The following GNG7 variants were observed in gnomAD, a reference collection of about 807,000 sequenced individuals.
GNG7 encodes the protein guanine nucleotide-binding protein G(I)/G(S)/G(O) subunit gamma-7.
A neutral mutation model predicts 4.0 loss-of-function variants in GNG7; 1 was observed. The observed-to-expected ratio is 0.25, with a 90% CI of 0.09 to 1.18. GNG7 has a LOEUF of 1.18. Among genes scored for constraint, GNG7 ranks in the 50% most tolerant of loss-of-function variants. GNG7 has a pLI of 0.50. For synonymous variants in GNG7, 34 were observed against 36.9 expected (o/e 0.92, Z 0.29); for missense variants, 86 against 91.9 (o/e 0.94, Z 0.26).
At chr19:2,681,971 G>A (rs566202253) in intron 1 of GNG7, among the ~76,000 whole-genome samples, 18 of 152,028 alleles carry the variant, frequency 1.2e-4, no homozygotes, top group Admixed American at 4.6e-4. Context: ...GTGCAGTGGC[G>A]CAATCTCAGC....
At chr19:2,603,815 G>A (rs533215183) in intron 2 of GNG7, among the ~76,000 whole-genome samples, 15 of 152,038 alleles carry the variant, frequency 9.9e-5, no homozygotes, top group South Asian at 4.2e-4. Context: ...GGAACTAAGC[G>A]TTTAAGGGAG....
chr19:2,682,273 G>A (rs1003454092), intron 1 of GNG7, among the ~76,000 whole-genome samples: 12 of 152,138 alleles, frequency 7.9e-5, no homozygotes, highest in Admixed American at 1.3e-4. Context: ...GAAGGAAGCC[G>A]GAGTTTTACC....
intron 1 of GNG7, among the ~76,000 whole-genome samples, chr19:2,673,263 A>AAAAC (rs1555702709): frequency 5.5e-5 from 8 of 145,760 alleles, no homozygotes; most frequent in Non-Finnish European, 1.0e-4. Context: ...ATCTCAAAAA[A>AAAAC]AAAACAAAAC....
At chr19:2,554,559 A>ATATTTTTT (rs1196558078) in intron 3 of GNG7, among the ~76,000 whole-genome samples, 2 of 130,140 alleles carry the variant, frequency 1.5e-5, no homozygotes, top group African/African-American at 5.6e-5. Flanking sequence ...ATATATATAT[A>ATATTTTTT]TTTTTTTTTT....
chr19:2,600,151 G>A (rs1332098015), intron 2 of GNG7, among the ~76,000 whole-genome samples: 1 of 151,360 alleles, frequency 6.6e-6, no homozygotes, highest in East Asian at 1.9e-4. Flanking sequence ...TGTTTATGTA[G>A]ATTTTAGCTA....
At chr19:2,541,496 A>T (rs1332392706) in intron 3 of GNG7, among the ~76,000 whole-genome samples, 1 of 151,938 alleles carries the variant, frequency 6.6e-6, no homozygotes, top group African/African-American at 2.4e-5. Context: ...GCAGGTTGGG[A>T]GGCCGAGGTG....
intron 2 of GNG7, chr19:2,643,836 C>G (rs897562468): frequency 3.6e-5 from 13 of 359,092 alleles, no homozygotes; most frequent in African/African-American, 2.8e-4. Context: ...ACGCTGTCAT[C>G]GACTCCCAGA....
At chr19:2,588,707 C>G (rs1218893573) in intron 2 of GNG7, among the ~76,000 whole-genome samples, 5 of 152,212 alleles carry the variant, frequency 3.3e-5, no homozygotes, top group Admixed American at 3.3e-4. Flanking sequence ...GCTGGGTTAC[C>G]CAGGGTTGTC....
chr19:2,628,838 A>G (rs113494085), intron 2 of GNG7, among the ~76,000 whole-genome samples: 11 of 152,234 alleles, frequency 7.2e-5, no homozygotes, highest in African/African-American at 2.6e-4. Context: ...ACTGACTAGG[A>G]ATCTTCGTCG....
intron 2 of GNG7, among the ~76,000 whole-genome samples, chr19:2,574,743 A>G (rs1980254960): frequency 6.6e-6 from 1 of 152,084 alleles, no homozygotes; most frequent in South Asian, 2.1e-4. Flanking sequence ...TATCCCCAGG[A>G]GTGGGATTGC....
intron 1 of GNG7, among the ~76,000 whole-genome samples, chr19:2,682,308 G>C (rs759991339): frequency 6.6e-6 from 1 of 152,158 alleles, no homozygotes; most frequent in Non-Finnish European, 1.5e-5. Flanking sequence ...AGGAAACGTG[G>C]CTGGTTCCAT....
At chr19:2,612,485 C>T (rs1981599042) in intron 2 of GNG7, among the ~76,000 whole-genome samples, 1 of 152,066 alleles carries the variant, frequency 6.6e-6, no homozygotes, top group Admixed American at 6.6e-5. Flanking sequence ...GGAGGGGCCT[C>T]AGTGAGAAGA....
At chr19:2,569,006 TACAC>T (rs912961478) in intron 2 of GNG7, among the ~76,000 whole-genome samples, 6 of 151,382 alleles carry the variant, frequency 4.0e-5, no homozygotes, top group African/African-American at 1.5e-4. Context: ...TACACACATA[TACAC>T]ACAAGCAGAC....
chr19:2,642,988 C>T (rs773616301), intron 2 of GNG7: 16 of 437,698 alleles, frequency 3.7e-5, no homozygotes, highest in South Asian at 1.3e-4. Flanking sequence ...GCAAAGTCTG[C>T]GCCCTCTCCG....
chr19:2,526,213 G>C (rs754165758), intron 3 of GNG7, among the ~76,000 whole-genome samples: 1 of 151,362 alleles, frequency 6.6e-6, no homozygotes, highest in African/African-American at 2.4e-5. Flanking sequence ...CTTGTGATCC[G>C]CCTGCCTCGG....
chr19:2,608,207 G>A (rs1237912923), intron 2 of GNG7, among the ~76,000 whole-genome samples: 2 of 152,050 alleles, frequency 1.3e-5, no homozygotes, highest in African/African-American at 4.8e-5. Context: ...CACAGGTGGC[G>A]AAGCGTGGGT....
chr19:2,647,107 A>T (rs1599440174), intron 1 of GNG7, among the ~76,000 whole-genome samples: 1 of 152,076 alleles, frequency 6.6e-6, no homozygotes, highest in Admixed American at 6.6e-5. Context: ...ACTCGGGGGG[A>T]CCCTGCCACC....
chr19:2,682,637 C>G (rs1983767740), intron 1 of GNG7, among the ~76,000 whole-genome samples: 1 of 124,380 alleles, frequency 8.0e-6, no homozygotes, highest in African/African-American at 3.4e-5. Flanking sequence ...GCCTGGGCAA[C>G]AGGGCGAGAC....
At chr19:2,596,340 CAG>C (rs1981020386) in intron 2 of GNG7, among the ~76,000 whole-genome samples, 2 of 150,018 alleles carry the variant, frequency 1.3e-5, no homozygotes, top group South Asian at 4.3e-4. Context: ...GCCTGGGCGA[CAG>C]AGTGAGAGTC....
Sources: gnomAD v4.1 joint callset for allele counts (sites outside exome capture counted in the v4.1 genomes callset) on GRCh38, gnomAD v4.1.1 for gene constraint, MANE v1.5 for transcripts, NCBI Gene and HGNC (gene_info 2026-07-23, HGNC 2026-07-21) for gene names.